Variants in PDCD6 observed in about 807,000 individuals in gnomAD.
PDCD6 encodes the protein programmed cell death 6.
A neutral mutation model predicts 28.3 loss-of-function variants in PDCD6; 12 were observed. The ratio of observed to expected loss-of-function variants is 0.42; its 90% CI spans 0.27 to 0.69. The LOEUF (loss-of-function observed/expected upper bound fraction) is 0.69, where lower values mean the gene tolerates loss of function less well. Ranked by LOEUF, PDCD6 falls within the 30% of genes least tolerant of loss-of-function variation. The pLI is 0.22. For synonymous variants in PDCD6, 92 were observed against 108.0 expected (o/e 0.85, Z 0.92); for missense variants, 226 against 269.9 (o/e 0.84, Z 1.14).
chr5:299,460 A>T (rs185922826), intron 2 of PDCD6, among the ~76,000 whole-genome samples: 1 of 151,220 alleles, frequency 6.6e-6, no homozygotes, highest in African/African-American at 2.4e-5. Context: ...CGTTCCCAAA[A>T]CATCTTGGAA....
intron 2 of PDCD6, among the ~76,000 whole-genome samples, chr5:274,892 T>G (rs144377996): frequency 5.9e-5 from 9 of 152,184 alleles, no homozygotes; most frequent in Non-Finnish European, 1.2e-4. Context: ...CTACTAAATA[T>G]CTACCAGGAG....
intron 2 of PDCD6, among the ~76,000 whole-genome samples, chr5:300,937 C>T (rs1472195056): frequency 6.6e-6 from 1 of 152,224 alleles, no homozygotes; most frequent in Non-Finnish European, 1.5e-5. Context: ...TGCACCATCA[C>T]GGCACACTCC....
At chr5:278,461 G>A (rs188537438) in intron 2 of PDCD6, among the ~76,000 whole-genome samples, 1 of 151,412 alleles carries the variant, frequency 6.6e-6, no homozygotes, top group East Asian at 2.0e-4. Flanking sequence ...TGTAATCCCA[G>A]CACTTTGGGA....
At chr5:272,007 G>A (rs977562854) in intron 1 of PDCD6, among the ~76,000 whole-genome samples, 186 bp downstream of exon 1, 4 of 151,414 alleles carry the variant, frequency 2.6e-5, no homozygotes, top group African/African-American at 9.7e-5. Context: ...AGCCGACGCG[G>A]CCGCCCCCGT....
intron 2 of PDCD6, among the ~76,000 whole-genome samples, chr5:288,546 CTT>C (rs1739125705): frequency 6.6e-6 from 1 of 151,024 alleles, no homozygotes; most frequent in African/African-American, 2.4e-5. Flanking sequence ...AGTTTAAAAA[CTT>C]TAATCCTAAA....
rs1410924951 is a variant in PDCD6, at chr5:280,772, C to G, written c.163+8000C>G. ...TAAGAGGGGAGTCCATAGACCAGGG[C>G]AGAGGGCAGGGCCGTGCTGGGCACT... On this transcript the variant is annotated intron_variant, in intron 2 of 5. Coordinates refer to ENST00000264933, the MANE Select transcript of PDCD6 (RefSeq NM_013232.4). 8.1e-5 allele frequency among the ~76,000 whole-genome samples: 10 copies of G among 123,162 alleles called. 1 individual carries two copies. The Admixed American group carries it at 8.8e-4, about 11-fold the overall frequency. The allele number at this position is 123,162 out of a possible 152,430, so 80.8% of individuals were successfully genotyped here. A position where few individuals can be genotyped will look rare whatever the true frequency, so the allele number is the denominator to read the frequency against.
Position 307,232 on chromosome 5 carries a change from GT to G in PDCD6, c.367+473del. On this transcript the variant is annotated intron_variant, in intron 4 of 5. Coordinates refer to ENST00000264933, the MANE Select transcript of PDCD6 (RefSeq NM_013232.4). This position sits in a 1 kb window ranked among gnomAD's most constrained non-coding sequence, Gnocchi z 6.1. ...GCCCATTCTCAGGTGTGCTCGGCGT[GT>G]GTGTGCTCGGCGTGTGTGTGCTCGG... Among the ~76,000 whole-genome samples, 1 of 115,196 alleles carries G rather than the reference GT, an allele frequency of 8.7e-6. No homozygotes were observed. The highest frequency in any genetic ancestry group is 5.3e-5 in the African/African-American group (1 of 18,914). 75.6% of individuals were successfully genotyped at this position (115,196 alleles called of 152,430 possible).
chr5:312,633 A>G (rs1189546568), intron 5 of PDCD6, among the ~76,000 whole-genome samples: 2 of 152,118 alleles, frequency 1.3e-5, no homozygotes, highest in East Asian at 1.9e-4. Context: ...CATTTTTACA[A>G]TGTTCTCTGA....
chr5:309,051 TC>T (rs1740722476), intron 4 of PDCD6: 1 of 152,642 alleles, frequency 6.6e-6, no homozygotes, highest in Non-Finnish European at 1.5e-5. Flanking sequence ...GGAGAACAGT[TC>T]CTCCGCTGTG....
At chr5:272,189 C>T (rs1291144096) in intron 1 of PDCD6, among the ~76,000 whole-genome samples, 1 of 148,778 alleles carries the variant, frequency 6.7e-6, no homozygotes, top group Non-Finnish European at 1.5e-5. Context: ...CTTTTTCTCG[C>T]CTCAAGAGCC....
At chr5:299,670 C>T (rs1415748733) in intron 2 of PDCD6, among the ~76,000 whole-genome samples, 1 of 151,978 alleles carries the variant, frequency 6.6e-6, no homozygotes, top group Non-Finnish European at 1.5e-5. Flanking sequence ...CTGCCTCAGC[C>T]CCCCGAGTAG....
rs934713378 is a variant in PDCD6 at position 288,862 on chromosome 5, C to T, written c.164-15315C>T. On this transcript the variant is annotated intron_variant, in intron 2 of 5. Coordinates refer to ENST00000264933, the MANE Select transcript of PDCD6 (RefSeq NM_013232.4). Reference sequence around the variant, plus strand: ...TGTTCCATTGGTTCATCGGTGACTTCTGTGGCTTCGTCATCATTTTCCATG... The same window carrying T: ...TGTTCCATTGGTTCATCGGTGACTTTTGTGGCTTCGTCATCATTTTCCATG... 1.6e-5 allele frequency: 24 copies of T among 1,526,892 alleles called. No individual in the cohort carries two copies. In the African/African-American group the frequency reaches 2.6e-4, roughly 17 times the overall value. The allele number at this position is 1,526,892 out of a possible 1,614,324, so 94.6% of individuals were successfully genotyped here. A position where few individuals can be genotyped will look rare whatever the true frequency, so the allele number is the denominator to read the frequency against.
intron 5 of PDCD6, chr5:311,665 C>T (rs1740925995): frequency 9.2e-6 from 4 of 435,324 alleles, no homozygotes; most frequent in East Asian, 8.9e-5. Flanking sequence ...CATGTATGTT[C>T]TGGTGTTGTG....
At chr5:306,877 T>G in intron 4 of PDCD6, 117 bp downstream of exon 4, 1 of 1,019,596 alleles carries the variant, frequency 9.8e-7, no homozygotes, top group Non-Finnish European at 1.5e-6. Context: ...GTAAAGTTTT[T>G]GTTGACGTCA....
Position 305,445 on chromosome 5 carries a change from A to T in PDCD6, c.209-1157A>T, listed in dbSNP as rs1740412891. 1 of 152,146 alleles carries T rather than the reference A, an allele frequency of 6.6e-6. No homozygotes were observed. The highest frequency in any genetic ancestry group is 2.4e-5 in the African/African-American group (1 of 41,408). The allele number at this position is 152,146 out of a possible 1,614,324, so 9.4% of individuals were successfully genotyped here. ...CCCTGCTGGTCGTGCATATGTTGCTACGTCACACTGATGGAGGGAGAGAAA... is the reference window on the plus strand; with the variant it reads ...CCCTGCTGGTCGTGCATATGTTGCTTCGTCACACTGATGGAGGGAGAGAAA... On this transcript the variant is annotated intron_variant, in intron 3 of 5. Coordinates refer to ENST00000264933, the MANE Select transcript of PDCD6 (RefSeq NM_013232.4). The surrounding 1 kb of genome is among the most constrained non-coding windows in gnomAD (Gnocchi z 4.0).
At chr5:276,057 G>T (rs1230924444) in intron 2 of PDCD6, 1 of 1,198,760 alleles carries the variant, frequency 8.3e-7, no homozygotes, top group East Asian at 5.7e-5. Context: ...TGGCAACATT[G>T]TGAGACCCTG....
chr5:281,202 T>G (rs1738542435), intron 2 of PDCD6, among the ~76,000 whole-genome samples: 1 of 152,386 alleles, frequency 6.6e-6, no homozygotes, highest in Admixed American at 6.5e-5. Context: ...AGACATCGAT[T>G]TGAAAACAAA....
chr5:276,620 C>T (rs184055501), intron 2 of PDCD6: 1 of 980,654 alleles, frequency 1.0e-6, no homozygotes, highest in East Asian at 1.1e-4. Context: ...AATAATTGTG[C>T]TCCCAGATTG....
At position 309,571 on chromosome 5, in the gene PDCD6, CCGTG is replaced by C. The variant is rs1740758928; in HGVS notation, c.368-1720_368-1717del. The C allele has an allele frequency of 1.7e-5, 4 of 242,194 alleles. No homozygotes were observed. The Admixed American group carries it at 2.5e-4, about 15-fold the overall frequency. The allele number at this position is 242,194 out of a possible 1,614,324, so 15.0% of individuals were successfully genotyped here. On this transcript the variant is annotated intron_variant, in intron 4 of 5. Transcript: ENST00000264933. ...AGGAGACCAGTAATGACCTCTGTCC[CCGTG>C]CACCCCAGTGATGGCCGCCGTCCCC...
Sources: allele counts gnomAD v4.1 joint callset (sites outside exome capture counted in the v4.1 genomes callset), GRCh38; gene constraint gnomAD v4.1.1; non-coding constraint Gnocchi (gnomAD v3.1); transcripts MANE v1.5; gene names NCBI Gene and HGNC (gene_info 2026-07-23, HGNC 2026-07-21).